Variants in SREK1 observed in about 807,000 individuals in gnomAD.
The protein encoded by SREK1 is splicing regulatory glutamic acid and lysine rich protein 1.
SREK1 carries 13 observed loss-of-function variants against 66.5 expected under a neutral mutation model. The ratio of observed to expected loss-of-function variants is 0.20; its 90% CI spans 0.13 to 0.31. The LOEUF (loss-of-function observed/expected upper bound fraction) is 0.31. Among genes scored for constraint, SREK1 ranks in the 10% least tolerant of loss-of-function variants. The pLI, the probability that SREK1 is intolerant of heterozygous loss-of-function variation, is 1.00. For synonymous variants in SREK1, 265 were observed against 263.5 expected, an observed-to-expected ratio of 1.01 and a Z score of -0.05; for missense variants, 607 against 769.6, an observed-to-expected ratio of 0.79 and a Z score of 2.50.
At chr5:66,172,004 G>A (rs956103876) in intron 9 of SREK1, among the ~76,000 whole-genome samples, 3 of 152,160 alleles carry the variant, frequency 2.0e-5, no homozygotes, top group Admixed American at 2.0e-4. Flanking sequence ...TCTAGTACTT[G>A]TACTTACTTT....
At chr5:66,176,434 A>G (rs1268686609) in intron 10 of SREK1, among the ~76,000 whole-genome samples, 2 of 152,130 alleles carry the variant, frequency 1.3e-5, no homozygotes, top group Admixed American at 6.6e-5. Context: ...CTGCTTGAAC[A>G]TGAGTCAGTT....
At chr5:66,164,096 T>TAG in intron 6 of SREK1, 174 bp downstream of exon 6, 1 of 728,636 alleles carries the variant, frequency 1.4e-6, no homozygotes, top group Non-Finnish European at 2.1e-6. Flanking sequence ...GCCCATATTT[T>TAG]ATCTCTTTCT....
chr5:66,161,971 A>C, intron 3 of SREK1, 138 bp from the exon 4 acceptor site: 1 of 857,648 alleles, frequency 1.2e-6, no homozygotes, highest in East Asian at 2.7e-5. Flanking sequence ...TCAGACATAT[A>C]TATGACTGAA....
intron 2 of SREK1, chr5:66,156,782 A>G (rs1377174091): frequency 6.1e-6 from 6 of 985,264 alleles, no homozygotes; most frequent in African/African-American, 5.2e-5. Flanking sequence ...TTTGTTGCCT[A>G]TGTGGGGAAT....
rs1369045768 is a variant in SREK1 at position 66,180,510 on chromosome 5, G to C, written c.*1642G>C. On this transcript the variant is annotated 3_prime_UTR_variant, in exon 12 of 12. Transcript: ENST00000334121. Reference sequence around the variant, plus strand: ...GATTGAAACTTTAGTATTTAGTGGGGAATGGAAAGAGTTGCCCTTGTTGCA... The same window carrying C: ...GATTGAAACTTTAGTATTTAGTGGGCAATGGAAAGAGTTGCCCTTGTTGCA... 6.6e-6 allele frequency: 1 copy of C among 152,510 alleles called. No homozygotes were observed. The highest frequency in any genetic ancestry group is 1.5e-5 in the Non-Finnish European group (1 of 67,988). 9.4% of individuals were successfully genotyped at this position (152,510 alleles called of 1,614,324 possible).
At chr5:66,172,431 C>T (rs1745717967) in intron 9 of SREK1, among the ~76,000 whole-genome samples, 1 of 152,090 alleles carries the variant, frequency 6.6e-6, no homozygotes, top group African/African-American at 2.4e-5. Flanking sequence ...GAGTCTTGCT[C>T]ATCGCCCAGG....
intron 1 of SREK1, among the ~76,000 whole-genome samples, chr5:66,151,518 G>C (rs940627385): frequency 6.6e-6 from 1 of 152,128 alleles, no homozygotes; most frequent in Non-Finnish European, 1.5e-5. Flanking sequence ...GAATGCAGGG[G>C]ACAGAGGGCA....
At chr5:66,163,962 A>ATC in intron 6 of SREK1, 40 bp downstream of exon 6, 1 of 1,588,808 alleles carries the variant, frequency 6.3e-7, no homozygotes, top group Non-Finnish European at 8.6e-7. Flanking sequence ...TAGTTTAAAG[A>ATC]TCATAGACTC....
rs76852337 is a variant in SREK1 at position 66,170,199 on chromosome 5, T to TC, written c.1121+29_1121+30insC. The TC allele has an allele frequency of 1.7e-3, 2,683 of 1,595,146 alleles. 62 individuals carry two copies. In the East Asian group the frequency reaches 0.052, roughly 31 times the overall value. ...AGTTTTAGAGAAATTAACAATAATT[T>TC]TTTTTTCCTCAGAGTTCTGTTAGTG... On this transcript the variant is annotated intron_variant, in intron 8 of 11. Coordinates refer to ENST00000334121, the MANE Select transcript of SREK1 (RefSeq NM_001077199.3).
chr5:66,146,959 C>A (rs1160269285), intron 1 of SREK1, among the ~76,000 whole-genome samples: 1 of 151,764 alleles, frequency 6.6e-6, no homozygotes, highest in African/African-American at 2.4e-5. Context: ...TGGTGTGCAC[C>A]TATAGTCCTA....
chr5:66,170,935 G>A lies in SREK1; in HGVS notation c.1472G>A (p.Arg491His), dbSNP rs373796611. The A allele has an allele frequency of 5.6e-6, 9 of 1,604,138 alleles. No homozygotes were observed. The highest frequency in any genetic ancestry group is 3.5e-5 in the Admixed American group (2 of 57,830). ...PRSYNASRRS[R>H]SSSRERRRRR... Reference sequence around the variant, plus strand: ...AGTTACAATGCATCGCGAAGATCTCGTAGTTCCAGCAGGTTTGATAATGCT... The same window carrying A: ...AGTTACAATGCATCGCGAAGATCTCATAGTTCCAGCAGGTTTGATAATGCT... Residue 491 changes from arginine (R) to histidine (H), a missense_variant, in exon 9 of 12, where the codon CGT (arginine) becomes CAT (histidine). Physicochemically the swap from Arg to His is conservative, Grantham distance 29 (BLOSUM62 0). Around this residue, in one of 5 missense-constraint regions of SREK1, gnomAD observed 318 missense variants for 310.3 expected, o/e 1.02. Coordinates refer to ENST00000334121, the MANE Select transcript of SREK1 (RefSeq NM_001077199.3).
chr5:66,164,158 A>G lies in SREK1; in HGVS notation c.886+236A>G, dbSNP rs76397762. On this transcript the variant is annotated intron_variant, in intron 6 of 11. Transcript: ENST00000334121. ...CTGAGCTAATCAGCTCTGTATTTTC[A>G]TAGCAAAATCAGTGCTCACAAGTGA... 400 of 422,500 alleles carry G rather than the reference A, an allele frequency of 9.5e-4. 3 individuals carry two copies. The East Asian group carries it at 0.011, about 12-fold the overall frequency. 26.2% of individuals were successfully genotyped at this position (422,500 alleles called of 1,614,324 possible).
intron 3 of SREK1, 38 bp from the exon 4 acceptor site, chr5:66,162,071 A>G: frequency 1.3e-6 from 2 of 1,586,740 alleles, no homozygotes; most frequent in East Asian, 2.2e-5. Context: ...ACTAATAGAA[A>G]ATATGTGTTC....
chr5:66,155,539 A>G (rs1389872026), intron 2 of SREK1, among the ~76,000 whole-genome samples: 3 of 152,252 alleles, frequency 2.0e-5, no homozygotes, highest in African/African-American at 7.2e-5. Flanking sequence ...AAAGAAAAGT[A>G]TTCCAGTGGA....
At chr5:66,163,755 G>A in intron 5 of SREK1, 37 bp from the exon 6 acceptor site, 2 of 1,580,274 alleles carry the variant, frequency 1.3e-6, no homozygotes, top group Non-Finnish European at 1.7e-6. Context: ...TATAAAATGT[G>A]GTGTGTATTT....
intron 3 of SREK1, among the ~76,000 whole-genome samples, chr5:66,161,713 G>A (rs578109463): frequency 7.9e-4 from 121 of 152,230 alleles, no homozygotes; most frequent in African/African-American, 2.8e-3. Context: ...TATAAAATAA[G>A]GTTAAATATT....
chr5:66,164,531 G>T, intron 6 of SREK1: 1 of 1,368,972 alleles, frequency 7.3e-7, no homozygotes, highest in Non-Finnish European at 9.8e-7. Flanking sequence ...CAGACATGTT[G>T]TAATCGTACG....
chr5:66,180,835 A>G lies in SREK1; in HGVS notation c.*1967A>G, dbSNP rs2112129080. 6.5e-6 allele frequency: 1 copy of G among 152,696 alleles called. No individual in the cohort carries two copies. The highest frequency in any genetic ancestry group is 1.9e-4 in the East Asian group (1 of 5,190). The allele number at this position is 152,696 out of a possible 1,614,324, so 9.5% of individuals were successfully genotyped here. On this transcript the variant is annotated 3_prime_UTR_variant, in exon 12 of 12. Coordinates refer to ENST00000334121, the MANE Select transcript of SREK1 (RefSeq NM_001077199.3). The stretch of plus-strand genomic sequence containing the variant: ...AAGTAGAAATAGAGCAAATGTTGGA[A>G]TCTGTTATTTTTAGTACCATGTCTT...
chr5:66,172,159 T>G (rs570545817), intron 9 of SREK1, among the ~76,000 whole-genome samples: 121 of 152,364 alleles, frequency 7.9e-4, no homozygotes, highest in African/African-American at 2.8e-3. Context: ...GGTACTGGTT[T>G]GAGCCTTGTA....
Sources: gnomAD v4.1 joint callset for allele counts (sites outside exome capture counted in the v4.1 genomes callset) on GRCh38, gnomAD v4.1.1 for gene constraint, gnomAD v4.1.1 regional missense constraint, MANE v1.5 for transcripts, NCBI Gene and HGNC (gene_info 2026-07-23, HGNC 2026-07-21) for gene names.